The following SLFN13 variants were observed in gnomAD, a reference collection of about 807,000 sequenced individuals.
SLFN13 encodes the protein schlafen family member 13, also known as schlafen-13.
SLFN13 carries 43 observed loss-of-function variants against 50.6 expected under a neutral mutation model. The ratio of observed to expected loss-of-function variants is 0.85; its 90% CI spans 0.67 to 1.09. The LOEUF (loss-of-function observed/expected upper bound fraction) is 1.09. SLFN13 is among the 50% of genes least tolerant of loss of function. The probability of loss-of-function intolerance (pLI) is 0.00; values close to 1 mark genes in which losing one functional copy is unlikely to be tolerated. For synonymous variants in SLFN13, 339 were observed against 386.5 expected, an observed-to-expected ratio of 0.88 and a Z score of 1.44; for missense variants, 881 against 1,071.1, an observed-to-expected ratio of 0.82 and a Z score of 2.48.
intron 1 of SLFN13, 71 bp from the exon 2 acceptor site, chr17:35,447,485 C>G (rs978158425): frequency 3.3e-5 from 5 of 152,142 alleles, no homozygotes; most frequent in Admixed American, 6.5e-5. Context: ...TTGAACCCCC[C>G]CTACACATGC....
chr17:35,441,167 T>G lies in SLFN13; in HGVS notation c.2122A>C (p.Ser708Arg). 2 of 1,614,052 alleles carry G rather than the reference T, an allele frequency of 1.2e-6. No homozygotes were observed. The highest frequency in any genetic ancestry group is 1.7e-6 in the Non-Finnish European group (2 of 1,179,976). Reference protein sequence around the residue: ...LWIFLDYFQTSHLGHSGLPPL... With the variant: ...LWIFLDYFQTRHLGHSGLPPL... ...GGAAGGCCACTGTGACCCAAGTGAC[T>G]GGTCTGAAAGTAGTCCAGAAAGATC... The change falls in exon 6 of 6, where the codon AGT becomes CGT. Residue 708 changes from serine to arginine, a missense_variant. Transcript: ENST00000285013.
chr17:35,441,555 C>T lies in SLFN13; in HGVS notation c.1922+8G>A, dbSNP rs772645348. The T allele has an allele frequency of 3.1e-6, 5 of 1,610,294 alleles. No individual in the cohort carries two copies. Among genetic ancestry groups the T allele is most frequent in the Non-Finnish European group, 4.2e-6 (5 of 1,179,292 alleles). Reference sequence around the variant, plus strand: ...TAAAACTTAAAGACGTAAGATCCAACTGCTTACCTGATAAAGTTCCTCAGA... The same window carrying T: ...TAAAACTTAAAGACGTAAGATCCAATTGCTTACCTGATAAAGTTCCTCAGA... On this transcript the variant is annotated splice_region_variant and intron_variant, in intron 5 of 5. Coordinates refer to ENST00000285013, the MANE Select transcript of SLFN13 (RefSeq NM_144682.6).
Position 35,440,665 on chromosome 17 carries a change from G to A in SLFN13, c.2624C>T (p.Pro875Leu), listed in dbSNP as rs765348034. The change falls in exon 6 of 6, where the codon CCA becomes CTA. Residue 875 changes from proline (P) to leucine (L), a missense_variant. Coordinates refer to ENST00000285013, the MANE Select transcript of SLFN13 (RefSeq NM_144682.6). ...VFGIHPRTAD[P>L]AILPNILICL... Reference sequence around the variant, plus strand: ...GATCAGAATATTGGGTAAGATAGCTGGGTCAGCTGTCCTTGGATGGATCCC... The same window carrying A: ...GATCAGAATATTGGGTAAGATAGCTAGGTCAGCTGTCCTTGGATGGATCCC... 3.1e-6 allele frequency: 5 copies of A among 1,614,044 alleles called. No homozygotes were observed. The highest frequency in any genetic ancestry group is 4.5e-5 in the East Asian group (2 of 44,898).
rs754431242 is a variant in SLFN13 at position 35,438,315 on chromosome 17, C to T, written c.*2280G>A. ...AAATGCAATAAATATATAAGCTAAA[C>T]ATTTCCTCATCATATGGAAAAAGAA... On this transcript the variant is annotated 3_prime_UTR_variant, in exon 6 of 6. Coordinates refer to ENST00000285013, the MANE Select transcript of SLFN13 (RefSeq NM_144682.6). The T allele has an allele frequency of 5.3e-5, 8 of 151,768 alleles. No homozygotes were observed. Among genetic ancestry groups the T allele is most frequent in the Non-Finnish European group, 8.8e-5 (6 of 67,996 alleles). 9.4% of individuals were successfully genotyped at this position (151,768 alleles called of 1,614,324 possible).
chr17:35,437,652 A>T lies in SLFN13; in HGVS notation c.*2943T>A, dbSNP rs1912679298. On this transcript the variant is annotated 3_prime_UTR_variant, in exon 6 of 6. Coordinates refer to ENST00000285013, the MANE Select transcript of SLFN13 (RefSeq NM_144682.6). ...CCTTGGTACAGCACTCCATAGCAAG[A>T]AGTGGCAGGAGACTACAAGGACAGA... The T allele has an allele frequency of 6.6e-6, 1 of 152,116 alleles. No homozygotes were observed. Among genetic ancestry groups the T allele is most frequent in the African/African-American group, 2.4e-5 (1 of 41,450 alleles). 9.4% of individuals were successfully genotyped at this position (152,116 alleles called of 1,614,324 possible).
chr17:35,443,663 A>G (rs553646708), intron 4 of SLFN13, 126 bp downstream of exon 4: 9 of 979,498 alleles, frequency 9.2e-6, no homozygotes, highest in East Asian at 2.5e-5. Flanking sequence ...CTCATCCCCA[A>G]GAGGCTTGTG....
Position 35,445,470 on chromosome 17 carries a change from G to T in SLFN13, c.211C>A (p.Arg71Ser). ...AAATCCAGTCCCATCTCTGTGGGAC[G>T]CTCATCCCTGTTGGCCATTTCCATC... The part of the protein sequence containing the change: ...IQMEMANRDE[R>S]PTEMGLDLEE... The change falls in exon 3 of 6, where the codon CGT (arginine) becomes AGT (serine). Residue 71 changes from arginine to serine, a missense_variant. Around this residue, in one of 5 missense-constraint regions of SLFN13, gnomAD observed 497 missense variants for 518.3 expected, o/e 0.96. Transcript: ENST00000285013. The T allele has an allele frequency of 6.2e-7, 1 of 1,614,114 alleles. No individual in the cohort carries two copies. The highest frequency in any genetic ancestry group is 8.5e-7 in the Non-Finnish European group (1 of 1,180,020).
In SLFN13 at chr17:35,441,021, G is replaced by A; in HGVS notation, c.2268C>T (p.Ile756=). The change falls in exon 6 of 6, where the codon ATC becomes ATT. Residue 756 remains isoleucine, a synonymous_variant. Coordinates refer to ENST00000285013, the MANE Select transcript of SLFN13 (RefSeq NM_144682.6). Reference sequence around the variant, plus strand: ...TGAGAATTGCCAGATACCCATGGGGGATATTAATTGGAGGATTTTCTATAA... The same window carrying A: ...TGAGAATTGCCAGATACCCATGGGGAATATTAATTGGAGGATTTTCTATAA... ...QLIIENPPIN[I]PHGYLAILSE... The A allele has an allele frequency of 6.2e-7, 1 of 1,612,930 alleles. No individual in the cohort carries two copies. The highest frequency in any genetic ancestry group is 8.5e-7 in the Non-Finnish European group (1 of 1,180,008).
At chr17:35,444,007 T>C (rs1913060859) in intron 3 of SLFN13, 87 bp from the exon 4 acceptor site, 1 of 1,359,112 alleles carries the variant, frequency 7.4e-7, no homozygotes, top group Non-Finnish European at 1.0e-6. Flanking sequence ...CTAAATTTCA[T>C]CTAACATGGT....
At position 35,445,203 on chromosome 17, in the gene SLFN13, G is replaced by C; in HGVS notation, c.478C>G (p.Gln160Glu). 6.2e-7 allele frequency: 1 copy of C among 1,613,690 alleles called. No homozygotes were observed. Among genetic ancestry groups the C allele is most frequent in the Non-Finnish European group, 8.5e-7 (1 of 1,179,956 alleles). ...AFDFLKTKER[Q>E]SKYNLINEGS... ...TCATTAATCAGATTATATTTGGACT[G>C]TCTTTCCTTGGTCTTCAGGAAATCG... Residue 160 changes from glutamine (Q) to glutamate (E), a missense_variant, in exon 3 of 6, where the codon CAG (glutamine) becomes GAG (glutamate). This residue lies in a region of SLFN13 where 497 missense variants were observed against 518.3 expected (regional missense o/e 0.96). Transcript: ENST00000285013.
rs757208937 is a variant in SLFN13 at position 35,443,845 on chromosome 17, A to C, written c.1142T>G (p.Val381Gly). The change falls in exon 4 of 6, where the codon GTG (valine) becomes GGG (glycine). Residue 381 changes from valine to glycine, a missense_variant. Physicochemically the swap from Val to Gly is moderately radical, Grantham distance 109. This residue lies in a region of SLFN13 where 497 missense variants were observed against 518.3 expected (regional missense o/e 0.96). Coordinates refer to ENST00000285013, the MANE Select transcript of SLFN13 (RefSeq NM_144682.6). ...GTGTTCCAGACCTTTCTTAGAATAC[A>C]CTGGTCTGCAAAGTGAAGGACTGTC... is the stretch of plus-strand genomic sequence containing the variant. Reference protein sequence around the residue: ...LSDSPSLCRPVYSKKGLEHKA... With the variant: ...LSDSPSLCRPGYSKKGLEHKA... 2.5e-6 allele frequency: 4 copies of C among 1,613,796 alleles called. No individual in the cohort carries two copies. Among genetic ancestry groups the C allele is most frequent in the Non-Finnish European group, 3.4e-6 (4 of 1,179,794 alleles).
rs369245781 is a variant in SLFN13, at chr17:35,445,075, T to C, written c.606A>G (p.Glu202=). Reference sequence around the variant, plus strand: ...ATGGAGACTCAGGAAAAGATAGGATTTCACCATATTCAATAGTGTCAGTTT... The same window carrying C: ...ATGGAGACTCAGGAAAAGATAGGATCTCACCATATTCAATAGTGTCAGTTT... ...VFQTDTIEYG[E]ILSFPESPSI... Residue 202 remains glutamate (E), a synonymous_variant, in exon 3 of 6, where the codon GAA becomes GAG. Coordinates refer to ENST00000285013, the MANE Select transcript of SLFN13 (RefSeq NM_144682.6). 1.2e-6 allele frequency: 2 copies of C among 1,614,012 alleles called. No individual in the cohort carries two copies. Among genetic ancestry groups the C allele is most frequent in the Non-Finnish European group, 1.7e-6 (2 of 1,180,032 alleles).
In SLFN13 at chr17:35,439,765, C is replaced by T. The variant is rs1248393401; in HGVS notation, c.*830G>A. 1 of 152,164 alleles carries T rather than the reference C, an allele frequency of 6.6e-6. No homozygotes were observed. Among genetic ancestry groups the T allele is most frequent in the African/African-American group, 2.4e-5 (1 of 41,460 alleles). The allele number at this position is 152,164 out of a possible 1,614,324, so 9.4% of individuals were successfully genotyped here. A position where few individuals can be genotyped will look rare whatever the true frequency, so the allele number is the denominator to read the frequency against. ...CAGCTGGGATTACAGGTGTGAGCCA[C>T]CGTGCCTGGCCAACGCTCATTGATT... is the stretch of plus-strand genomic sequence containing the variant. On this transcript the variant is annotated 3_prime_UTR_variant, in exon 6 of 6. Transcript: ENST00000285013.
In SLFN13 at chr17:35,444,674, T is replaced by C. The variant is rs769934628; in HGVS notation, c.1007A>G (p.Lys336Arg). 6.2e-7 allele frequency: 1 copy of C among 1,614,234 alleles called. No homozygotes were observed. Among genetic ancestry groups the C allele is most frequent in the South Asian group, 1.1e-5 (1 of 91,086 alleles). ...EAPKSWMVREKYIRPLTTEEW... is the reference protein window; with the variant it reads ...EAPKSWMVRERYIRPLTTEEW... ...CTCAGTTGTCAAGGGGCGGATGTACTTCTCCCTCACCATCCATGACTTGGG... is the reference window on the plus strand; with the variant it reads ...CTCAGTTGTCAAGGGGCGGATGTACCTCTCCCTCACCATCCATGACTTGGG... The change falls in exon 3 of 6, where the codon AAG (lysine) becomes AGG (arginine). Residue 336 changes from lysine to arginine, a missense_variant. Around this residue, in one of 5 missense-constraint regions of SLFN13, gnomAD observed 497 missense variants for 518.3 expected, o/e 0.96. Transcript: ENST00000285013.
At chr17:35,447,969 G>A (rs999635391) in intron 1 of SLFN13, among the ~76,000 whole-genome samples, 3 of 151,814 alleles carry the variant, frequency 2.0e-5, no homozygotes, top group Non-Finnish European at 1.5e-5. Flanking sequence ...GGCGATTTTT[G>A]CCTCAGCCTC....
Position 35,441,614 on chromosome 17 carries a change from G to C in SLFN13, c.1871C>G (p.Ala624Gly). 1 of 1,588,656 alleles carries C rather than the reference G, an allele frequency of 6.3e-7. No individual in the cohort carries two copies. Among genetic ancestry groups the C allele is most frequent in the South Asian group, 1.2e-5 (1 of 86,458 alleles). The change falls in exon 5 of 6, where the codon GCA (alanine) becomes GGA (glycine). Residue 624 changes from alanine (A) to glycine (G), a missense_variant. By Grantham distance (60) the Ala-to-Gly change is moderately conservative. This residue lies in a region of SLFN13 where 25 missense variants were observed against 64.4 expected (regional missense o/e 0.39). Coordinates refer to ENST00000285013, the MANE Select transcript of SLFN13 (RefSeq NM_144682.6). ...EKIRNVFHCEAHRILYVCENQ... is the reference protein window; with the variant it reads ...EKIRNVFHCEGHRILYVCENQ... ...TTCACAAACGTAGAGAATTCTGTGT[G>C]CCTCACAGTGAAACACATTCCTGAT...
rs1234529837 is a variant in SLFN13, at chr17:35,442,228, C to T, written c.1257G>A (p.Gln419=). Residue 419 remains glutamine, a synonymous_variant, in exon 5 of 6, where the codon CAG becomes CAA. Coordinates refer to ENST00000285013, the MANE Select transcript of SLFN13 (RefSeq NM_144682.6). The stretch of plus-strand genomic sequence containing the variant: ...GTATTAACTCCTTTAGTCCTTCATG[C>T]TGTAAAGACAGCTCCTTCCAGAGGG... ...PESLWKELSL[Q]HEGLKELIHK... is the part of the protein sequence containing the mutation. The T allele has an allele frequency of 1.2e-6, 2 of 1,612,772 alleles. No individual in the cohort carries two copies. Among genetic ancestry groups the T allele is most frequent in the Non-Finnish European group, 1.7e-6 (2 of 1,179,148 alleles).
At position 35,441,095 on chromosome 17, in the gene SLFN13, G is replaced by A. The variant is rs766043551; in HGVS notation, c.2194C>T (p.Arg732Cys). The A allele has an allele frequency of 2.1e-5, 34 of 1,613,858 alleles. No individual in the cohort carries two copies. Among genetic ancestry groups the A allele is most frequent in the South Asian group, 4.4e-5 (4 of 91,080 alleles). Reference sequence around the variant, plus strand: ...TACTCGGCTATTTCATCTGCATTGCGAACTACTCTGGTGAGCTCTTCTCTT... The same window carrying A: ...TACTCGGCTATTTCATCTGCATTGCAAACTACTCTGGTGAGCTCTTCTCTT... ...YPREELTRVV[R>C]NADEIAEYIQ... is the part of the protein sequence containing the mutation. The change falls in exon 6 of 6, where the codon CGC becomes TGC. Residue 732 changes from arginine to cysteine, a missense_variant. Coordinates refer to ENST00000285013, the MANE Select transcript of SLFN13 (RefSeq NM_144682.6).
rs1238814176 is a variant in SLFN13, at chr17:35,441,680, C to G, written c.1805G>C (p.Gly602Ala). ...NRELFVHGLPGSGKTIMAMKI... is the reference protein window; with the variant it reads ...NRELFVHGLPASGKTIMAMKI... ...CATGGCCATGATGGTCTTCCCTGAG[C>G]CAGGTAAGCCGTGGACAAACAACTC... is the stretch of plus-strand genomic sequence containing the variant. Residue 602 changes from glycine (G) to alanine (A), a missense_variant, in exon 5 of 6, where the codon GGC becomes GCC. This residue lies in a region of SLFN13 where 25 missense variants were observed against 64.4 expected (regional missense o/e 0.39). Coordinates refer to ENST00000285013, the MANE Select transcript of SLFN13 (RefSeq NM_144682.6). 1 of 1,602,732 alleles carries G rather than the reference C, an allele frequency of 6.2e-7. No homozygotes were observed. Among genetic ancestry groups the G allele is most frequent in the East Asian group, 2.2e-5 (1 of 44,728 alleles).
Sources: gnomAD v4.1 joint callset for allele counts (sites outside exome capture counted in the v4.1 genomes callset) on GRCh38, gnomAD v4.1.1 for gene constraint, gnomAD v4.1.1 regional missense constraint, MANE v1.5 for transcripts, NCBI Gene and HGNC (gene_info 2026-07-23, HGNC 2026-07-21) for gene names.